Variants in ACP4 observed in about 807,000 individuals in gnomAD.
The protein encoded by ACP4 is acid phosphatase 4, also known as testicular acid phosphatase.
ACP4 carries 49 observed loss-of-function variants against 47.3 expected under a neutral mutation model. The observed-to-expected ratio is 1.04, with a 90% CI of 0.82 to 1.32. ACP4 has a LOEUF of 1.32. Ranked by LOEUF, ACP4 falls within the 40% of genes most tolerant of loss-of-function variation. The probability of loss-of-function intolerance (pLI) is 0.00; values close to 1 mark genes in which losing one functional copy is unlikely to be tolerated. For missense variants in ACP4, 594 were observed against 579.3 expected, an observed-to-expected ratio of 1.03 and a Z score of -0.26; for synonymous variants, 299 against 265.3, an observed-to-expected ratio of 1.13 and a Z score of -1.23.
At chr19:50,794,413 C>A (rs758472399) in intron 8 of ACP4, 44 bp from the exon 9 acceptor site, 3 of 1,609,178 alleles carry the variant, frequency 1.9e-6, no homozygotes, top group Non-Finnish European at 2.5e-6. Flanking sequence ...AGGAGAAAGG[C>A]CTCCAGAGAG....
chr19:50,792,670 G>A (rs2089520183), intron 6 of ACP4: 1 of 183,522 alleles, frequency 5.4e-6, no homozygotes, highest in Non-Finnish European at 1.1e-5. Flanking sequence ...CTGAAATGAT[G>A]CAATGCTTTT....
intron 4 of ACP4, 66 bp from the exon 5 acceptor site, chr19:50,792,007 C>T: frequency 1.3e-6 from 2 of 1,503,590 alleles, no homozygotes; most frequent in Non-Finnish European, 1.8e-6. Context: ...CCCGGGTTCC[C>T]CCGACCCGCT....
chr19:50,792,112 G>A lies in ACP4; in HGVS notation c.490G>A (p.Glu164Lys), dbSNP rs970392273. ...CATGCGCAGCTGTCCCCGATACCAC[G>A]AGCTGCTGCGGGAGGCCACCGAGGC... ...FPMRSCPRYH[E>K]LLREATEAAE... Residue 164 changes from glutamate (E) to lysine (K), a missense_variant, in exon 5 of 11, where the codon GAG becomes AAG. Coordinates refer to ENST00000270593, the MANE Select transcript of ACP4 (RefSeq NM_033068.3). 12 of 1,604,858 alleles carry A rather than the reference G, an allele frequency of 7.5e-6. No homozygotes were observed. Among genetic ancestry groups the A allele is most frequent in the Admixed American group, 1.7e-5 (1 of 58,676 alleles).
intron 3 of ACP4, 57 bp from the exon 4 acceptor site, chr19:50,791,599 G>T: frequency 6.3e-7 from 1 of 1,574,860 alleles, no homozygotes. Context: ...TGCCACGACA[G>T]CTGACCTCTG....
At chr19:50,791,597 C>T (rs117288213) in intron 3 of ACP4, 59 bp from the exon 4 acceptor site, 62,397 of 1,572,832 alleles carry the variant, frequency 0.04, 1,418 homozygotes, top group Non-Finnish European at 0.046. Flanking sequence ...TTTGCCACGA[C>T]AGCTGACCTC....
In ACP4 at chr19:50,794,938, G is replaced by T; in HGVS notation, c.1139G>T (p.Gly380Val). ...CCCGCCCATGGGGTCTCCTGCCATG[G>T]CCCCTATGAGGCTGCCATCCCCCCA... Reference protein sequence around the residue: ...RPPAHGVSCHGPYEAAIPPAP... With the variant: ...RPPAHGVSCHVPYEAAIPPAP... Residue 380 changes from glycine to valine, a missense_variant, in exon 10 of 11, where the codon GGC becomes GTC. Coordinates refer to ENST00000270593, the MANE Select transcript of ACP4 (RefSeq NM_033068.3). The T allele has an allele frequency of 1.9e-6, 3 of 1,613,144 alleles. No individual in the cohort carries two copies.
rs2089517562 is a variant in ACP4 at position 50,792,330 on chromosome 19, T to G, written c.638T>G (p.Met213Arg). The part of the protein sequence containing the change: ...RRAWKVLDTL[M>R]CQQAHGLPLP... Reference sequence around the variant, plus strand: ...GCATGGAAGGTTCTGGACACCCTCATGTGCCAGGTGAGCCCTGCCCCTTCC... The same window carrying G: ...GCATGGAAGGTTCTGGACACCCTCAGGTGCCAGGTGAGCCCTGCCCCTTCC... The change falls in exon 6 of 11, where the codon ATG (methionine) becomes AGG (arginine). Residue 213 changes from methionine to arginine, a missense_variant. Transcript: ENST00000270593. 17 of 1,613,130 alleles carry G rather than the reference T, an allele frequency of 1.1e-5. No individual in the cohort carries two copies. Among genetic ancestry groups the G allele is most frequent in the Non-Finnish European group, 1.4e-5 (16 of 1,179,992 alleles).
intron 3 of ACP4, 123 bp downstream of exon 3, chr19:50,790,983 ACCT>A (rs1295225180): frequency 5.3e-6 from 5 of 940,324 alleles, no homozygotes; most frequent in Non-Finnish European, 7.9e-6. Context: ...CTTGCCCTCT[ACCT>A]CTAATCTCTG....
chr19:50,793,535 A>C (rs974117665), intron 6 of ACP4, 149 bp from the exon 7 acceptor site: 5 of 1,214,682 alleles, frequency 4.1e-6, no homozygotes, highest in South Asian at 1.6e-5. Context: ...ACAACAACAA[A>C]AAAACACTGT....
chr19:50,793,662 C>T (rs1338774302), intron 6 of ACP4, 22 bp from the exon 7 acceptor site: 1 of 1,610,638 alleles, frequency 6.2e-7, no homozygotes. Flanking sequence ...CAGGATGGTC[C>T]ATCTGTCCTG....
In ACP4 at chr19:50,790,872, G is replaced by A. The variant is rs992164531; in HGVS notation, c.303+12G>A. 23 of 1,543,156 alleles carry A rather than the reference G, an allele frequency of 1.5e-5. No homozygotes were observed. In the African/African-American group the frequency reaches 2.7e-4, roughly 18 times the overall value. ...ACCGGCGGGAGGAGGTAGGGCCATA[G>A]TGACCCCCACCTGGCCCCCTGACCT... is the stretch of plus-strand genomic sequence containing the variant. On this transcript the variant is annotated intron_variant, in intron 3 of 10. Coordinates refer to ENST00000270593, the MANE Select transcript of ACP4 (RefSeq NM_033068.3).
In ACP4 at chr19:50,794,573, A is replaced by T; in HGVS notation, c.978A>T (p.Lys326Asn). ...GGAAGCACCTGGGGAATCCCGCCAA[A>T]GATGGAGGGTGAGAATGGTTTGGTG... ...EFRKHLGNPAKDGGNVTVSLF... is the reference protein window; with the variant it reads ...EFRKHLGNPANDGGNVTVSLF... Residue 326 changes from lysine (K) to asparagine (N), a missense_variant, in exon 9 of 11, where the codon AAA becomes AAT. By Grantham distance (94) the Lys-to-Asn change is moderately conservative. Coordinates refer to ENST00000270593, the MANE Select transcript of ACP4 (RefSeq NM_033068.3). 1 of 1,614,042 alleles carries T rather than the reference A, an allele frequency of 6.2e-7. No individual in the cohort carries two copies.
chr19:50,792,155 C>T lies in ACP4; in HGVS notation c.533C>T (p.Ala178Val). The T allele has an allele frequency of 6.2e-7, 1 of 1,609,818 alleles. No homozygotes were observed. Among genetic ancestry groups the T allele is most frequent in the African/African-American group, 1.3e-5 (1 of 74,982 alleles). ...EATEAAEYQE[A>V]LEGWTGFLSR... ...ACCGAGGCCGCCGAGTACCAGGAGGCCCTGGAGGGCTGGACGGTGAGCAGG... is the reference window on the plus strand; with the variant it reads ...ACCGAGGCCGCCGAGTACCAGGAGGTCCTGGAGGGCTGGACGGTGAGCAGG... The change falls in exon 5 of 11, where the codon GCC (alanine) becomes GTC (valine). Residue 178 changes from alanine (A) to valine (V), a missense_variant. Ala to Val is a moderately conservative substitution (Grantham distance 64). Coordinates refer to ENST00000270593, the MANE Select transcript of ACP4 (RefSeq NM_033068.3).
In ACP4 at chr19:50,792,231, C is replaced by G. The variant is rs559203093; in HGVS notation, c.550-11C>G. On this transcript the variant is annotated splice_polypyrimidine_tract_variant and intron_variant, in intron 5 of 10. Coordinates refer to ENST00000270593, the MANE Select transcript of ACP4 (RefSeq NM_033068.3). The stretch of plus-strand genomic sequence containing the variant: ...GGATGGGCCTGGGCTCACCCAGCCC[C>G]GCGCATCCAGGGCTTCCTGAGTCGC... The G allele has an allele frequency of 3.7e-6, 6 of 1,612,776 alleles. No individual in the cohort carries two copies. Among genetic ancestry groups the G allele is most frequent in the South Asian group, 3.3e-5 (3 of 91,072 alleles).
At position 50,792,141 on chromosome 19, in the gene ACP4, C is replaced by G. The variant is rs140570998; in HGVS notation, c.519C>G (p.Ala173=). The G allele has an allele frequency of 4.4e-6, 7 of 1,609,142 alleles. No homozygotes were observed. The highest frequency in any genetic ancestry group is 2.2e-5 in the East Asian group (1 of 44,806). The change falls in exon 5 of 11, where the codon GCC becomes GCG. Residue 173 remains alanine (A), a synonymous_variant. Coordinates refer to ENST00000270593, the MANE Select transcript of ACP4 (RefSeq NM_033068.3). The stretch of plus-strand genomic sequence containing the variant: ...TGCTGCGGGAGGCCACCGAGGCCGC[C>G]GAGTACCAGGAGGCCCTGGAGGGCT... The part of the protein sequence containing the change: ...HELLREATEA[A]EYQEALEGWT...
At chr19:50,790,746 T>G (rs1978605) in intron 2 of ACP4, 28 bp from the exon 3 acceptor site, 655,735 of 1,536,902 alleles carry the variant, frequency 0.43, 144,908 homozygotes, top group East Asian at 0.77. Flanking sequence ...GGGTGGGGAG[T>G]GGTAGGCTGA....
chr19:50,791,715 C>A lies in ACP4; in HGVS notation c.363C>A (p.Ala121=). The change falls in exon 4 of 11, where the codon GCC becomes GCA. Residue 121 remains alanine (A), a synonymous_variant. Transcript: ENST00000270593. ...RTLESAQANL[A]GLFPEAAPGS... ...TGGAGAGTGCCCAGGCCAACCTTGC[C>A]GGGCTGTTTCCCGAGGCTGCTCCAG... 1.2e-6 allele frequency: 2 copies of A among 1,613,292 alleles called. No homozygotes were observed. The highest frequency in any genetic ancestry group is 1.7e-6 in the Non-Finnish European group (2 of 1,179,900).
intron 3 of ACP4, 99 bp downstream of exon 3, chr19:50,790,959 C>T: frequency 2.5e-6 from 3 of 1,180,014 alleles, no homozygotes; most frequent in Non-Finnish European, 3.6e-6. Flanking sequence ...GGCCTTTGAC[C>T]TCCATCAACC....
At chr19:50,792,635 C>T in intron 6 of ACP4, 1 of 310,760 alleles carries the variant, frequency 3.2e-6, no homozygotes, top group East Asian at 5.7e-5. Flanking sequence ...TCAGAAAACC[C>T]AAAACCTGGG....
Sources: allele counts gnomAD v4.1 joint callset, GRCh38; gene constraint gnomAD v4.1.1; transcripts MANE v1.5; gene names NCBI Gene and HGNC (gene_info 2026-07-23, HGNC 2026-07-21).